Variants in PAM observed in about 807,000 individuals in gnomAD.
PAM encodes the protein peptidyl-glycine alpha-amidating monooxygenase.
In PAM, 72 loss-of-function variants were observed where a neutral mutation model predicts 122.1. That is an observed-to-expected ratio of 0.59 (90% confidence interval 0.49 to 0.72). The LOEUF is 0.72. PAM is among the 30% of genes least tolerant of loss of function. The pLI is 0.00. For synonymous variants in PAM, 389 were observed against 404.4 expected (o/e 0.96, Z 0.46); for missense variants, 1,106 against 1,183.7 (o/e 0.93, Z 0.96).
At chr5:102,924,385 A>T (rs568049277) in intron 5 of PAM, among the ~76,000 whole-genome samples, 3 of 149,984 alleles carry the variant, frequency 2.0e-5, no homozygotes, top group South Asian at 4.3e-4. Context: ...GTGAGTCAAG[A>T]TCGCGCCATT....
At chr5:102,950,051 T>G in intron 11 of PAM, 73 bp downstream of exon 11, 1 of 803,322 alleles carries the variant, frequency 1.2e-6, no homozygotes, top group Non-Finnish European at 2.2e-6. Context: ...AAAATTATTA[T>G]GCAACTCTTG....
intron 3 of PAM, among the ~76,000 whole-genome samples, chr5:102,894,703 A>G (rs1242014391): frequency 6.6e-6 from 1 of 151,674 alleles, no homozygotes; most frequent in Non-Finnish European, 1.5e-5. Flanking sequence ...TGCCAAATTC[A>G]TTATCTTCTT....
intron 20 of PAM, 25 bp downstream of exon 20, chr5:103,007,682 GT>G (rs758571394): frequency 7.1e-7 from 1 of 1,418,030 alleles, no homozygotes; most frequent in South Asian, 1.2e-5. Context: ...TATGTTTGTT[GT>G]CTTCTGTCCT....
At chr5:102,866,605 A>G in intron 2 of PAM, 1 of 326,536 alleles carries the variant, frequency 3.1e-6, no homozygotes, top group Non-Finnish European at 5.8e-6. Flanking sequence ...TCGAAGAATA[A>G]AATATAAGGA....
chr5:102,831,825 G>A (rs112874728), intron 1 of PAM, among the ~76,000 whole-genome samples: 1 of 151,900 alleles, frequency 6.6e-6, no homozygotes, highest in Non-Finnish European at 1.5e-5. Flanking sequence ...CTAAGAAAAT[G>A]TTATGGCATT....
chr5:102,770,780 A>T (rs1405547667), intron 1 of PAM, among the ~76,000 whole-genome samples: 1 of 152,038 alleles, frequency 6.6e-6, no homozygotes, highest in Non-Finnish European at 1.5e-5. Context: ...ATCAATGTTC[A>T]TCAGGGATAT....
At chr5:103,002,691 A>G (rs1021488303) in intron 16 of PAM, among the ~76,000 whole-genome samples, 2 of 152,112 alleles carry the variant, frequency 1.3e-5, no homozygotes, top group African/African-American at 4.8e-5. Flanking sequence ...AGCTTTTGAA[A>G]TTTTTCAGGT....
At chr5:102,962,966 T>C (rs1020265721) in intron 14 of PAM, among the ~76,000 whole-genome samples, 17 of 151,836 alleles carry the variant, frequency 1.1e-4, no homozygotes, top group Non-Finnish European at 2.2e-4. Flanking sequence ...TATTTTCTTC[T>C]GTTTGTGAAT....
chr5:102,831,760 G>GA (rs1463500482), intron 1 of PAM, among the ~76,000 whole-genome samples: 1 of 151,960 alleles, frequency 6.6e-6, no homozygotes, highest in African/African-American at 2.4e-5. Context: ...ACTTTAACTA[G>GA]AAAAAAATTT....
chr5:102,880,798 T>G (rs903954321), intron 3 of PAM, among the ~76,000 whole-genome samples: 5 of 151,764 alleles, frequency 3.3e-5, no homozygotes, highest in African/African-American at 1.2e-4. Context: ...TAAAAAGAAA[T>G]GAAGTGATAC....
intron 6 of PAM, 89 bp downstream of exon 6, chr5:102,925,131 G>A: frequency 1.3e-6 from 1 of 776,078 alleles, no homozygotes; most frequent in Non-Finnish European, 2.4e-6. Context: ...TCTAACCAGT[G>A]TTGACAGTGT....
Position 102,974,110 on chromosome 5 carries a change from C to T in PAM, c.1163-6C>T. The T allele has an allele frequency of 6.2e-7, 1 of 1,601,034 alleles. No individual in the cohort carries two copies. Among genetic ancestry groups the T allele is most frequent in the Non-Finnish European group, 8.5e-7 (1 of 1,172,036 alleles). On this transcript the variant is annotated splice_polypyrimidine_tract_variant and splice_region_variant and intron_variant, in intron 14 of 25. Transcript: ENST00000438793. ...CACGCCCTTATCTCTTCTCTTTTTT[C>T]CACAGGTGATTTCTATTCACTACTT...
At chr5:102,842,199 A>G (rs1488413622) in intron 1 of PAM, among the ~76,000 whole-genome samples, 1 of 145,568 alleles carries the variant, frequency 6.9e-6, no homozygotes. Flanking sequence ...ACAAAAATAC[A>G]ACCTAAATAT....
chr5:103,016,700 G>A (rs1227806105), intron 21 of PAM, among the ~76,000 whole-genome samples: 1 of 152,168 alleles, frequency 6.6e-6, no homozygotes, highest in Non-Finnish European at 1.5e-5. Flanking sequence ...GGAAGTACTT[G>A]GAGGTAACAC....
chr5:102,804,036 AG>A (rs896482310), intron 1 of PAM, among the ~76,000 whole-genome samples: 1 of 151,950 alleles, frequency 6.6e-6, no homozygotes. Context: ...TGAGGGTTGC[AG>A]GGGGGGATGG....
At chr5:102,878,111 T>G (rs1176026268) in intron 3 of PAM, among the ~76,000 whole-genome samples, 2 of 152,182 alleles carry the variant, frequency 1.3e-5, no homozygotes, top group Non-Finnish European at 2.9e-5. Flanking sequence ...TAATTATTAA[T>G]ACATAAATAT....
chr5:102,766,438 C>T lies in PAM; in HGVS notation c.-374+11090C>T, dbSNP rs191554360. ...TGTGCAGTTGACGTTAGGATTCCTG[C>T]TCCTATGAGACTCTAATGCCGCAGC... On this transcript the variant is annotated intron_variant, in intron 1 of 25. Coordinates refer to ENST00000438793, the MANE Select transcript of PAM (RefSeq NM_001177306.2). 3.0e-4 allele frequency among the ~76,000 whole-genome samples: 45 copies of T among 152,224 alleles called. 1 individual carries two copies. The highest frequency in any genetic ancestry group is 1.0e-3 in the African/African-American group (43 of 41,540).
intron 1 of PAM, among the ~76,000 whole-genome samples, chr5:102,756,732 C>T (rs983590662): frequency 2.6e-5 from 4 of 152,098 alleles, no homozygotes; most frequent in African/African-American, 9.7e-5. Flanking sequence ...CCACTGCACT[C>T]CAGCCTCGGT....
At chr5:103,011,417 C>T (rs549263646) in intron 21 of PAM, among the ~76,000 whole-genome samples, 1 of 151,900 alleles carries the variant, frequency 6.6e-6, no homozygotes, top group East Asian at 1.9e-4. Flanking sequence ...CTCTCTGTCC[C>T]ATACCCTTCC....
Sources: gnomAD v4.1 joint callset for allele counts (sites outside exome capture counted in the v4.1 genomes callset) on GRCh38, gnomAD v4.1.1 for gene constraint, MANE v1.5 for transcripts, NCBI Gene and HGNC (gene_info 2026-07-23, HGNC 2026-07-21) for gene names.